The following ZNF366 variants were observed in gnomAD, a reference collection of about 807,000 sequenced individuals.
The protein encoded by ZNF366 is zinc finger protein 366.
Under a neutral mutation model 47.2 loss-of-function variants are expected in ZNF366, and 20 were observed. The observed-to-expected ratio is 0.42, with a 90% CI of 0.30 to 0.62. The LOEUF is 0.62. Among genes scored for constraint, ZNF366 ranks in the 20% least tolerant of loss-of-function variants. The pLI is 0.16. For missense variants in ZNF366, 987 were observed against 976.3 expected, an observed-to-expected ratio of 1.01 and a Z score of -0.15; for synonymous variants, 421 against 395.1, an observed-to-expected ratio of 1.07 and a Z score of -0.78.
intron 3 of ZNF366, among the ~76,000 whole-genome samples, chr5:72,454,883 C>T (rs147433842): frequency 1.3e-5 from 2 of 152,340 alleles, no homozygotes; most frequent in African/African-American, 4.8e-5. Context: ...TGGAGTCCAT[C>T]GCTGCATGCA....
chr5:72,468,582 G>A (rs372480699), intron 1 of ZNF366, among the ~76,000 whole-genome samples: 2 of 152,260 alleles, frequency 1.3e-5, no homozygotes. Flanking sequence ...TACCATTTGT[G>A]TATCTTAAAT....
At chr5:72,480,543 C>A (rs947163691) in intron 1 of ZNF366, among the ~76,000 whole-genome samples, 4 of 150,390 alleles carry the variant, frequency 2.7e-5, no homozygotes, top group African/African-American at 1.0e-4. Flanking sequence ...CCTTCTCTAA[C>A]TTCCTTATAA....
intron 1 of ZNF366, among the ~76,000 whole-genome samples, chr5:72,462,551 T>TTTCTTTCTTTC (rs1371593009): frequency 2.1e-3 from 35 of 16,890 alleles, no homozygotes; most frequent in African/African-American, 0.01. Flanking sequence ...TTCTTTCTTT[T>TTTCTTTCTTTC]TTTTTTTTTT....
In ZNF366 at chr5:72,461,347, C is replaced by A; in HGVS notation, c.150G>T (p.Gly50=). Residue 50 remains glycine, a synonymous_variant, in exon 2 of 5, where the codon GGG becomes GGT. Transcript: ENST00000318442. ...GTTCATACCGAAACTGGGAAAATGG[C>A]CCTCGGAGAGCTTCCGGGAAGGGGT... ...QRHPFPEALR[G]PFSQFRYEPP... is the part of the protein sequence containing the mutation. 1 of 1,614,098 alleles carries A rather than the reference C, an allele frequency of 6.2e-7. No individual in the cohort carries two copies. The highest frequency in any genetic ancestry group is 8.5e-7 in the Non-Finnish European group (1 of 1,180,006).
chr5:72,483,501 G>C (rs942525305), intron 1 of ZNF366, among the ~76,000 whole-genome samples: 1 of 152,116 alleles, frequency 6.6e-6, no homozygotes, highest in African/African-American at 2.4e-5. Flanking sequence ...GTGGCATGTA[G>C]CTTCCACAAT....
intron 1 of ZNF366, among the ~76,000 whole-genome samples, chr5:72,481,359 A>G (rs1323815554): frequency 6.6e-6 from 1 of 152,208 alleles, no homozygotes; most frequent in Non-Finnish European, 1.5e-5. Context: ...ACTACCACCA[A>G]GAGTTACTGT....
intron 1 of ZNF366, among the ~76,000 whole-genome samples, chr5:72,472,270 T>A (rs1743582441): frequency 1.3e-5 from 2 of 152,196 alleles, no homozygotes; most frequent in Admixed American, 1.3e-4. Flanking sequence ...AACTGGTTGG[T>A]TGATTTACTG....
chr5:72,481,435 C>G (rs959378333), intron 1 of ZNF366, among the ~76,000 whole-genome samples: 1 of 152,052 alleles, frequency 6.6e-6, no homozygotes, highest in Admixed American at 6.5e-5. Context: ...TTTTACAGCA[C>G]TACTTATTAT....
chr5:72,449,858 A>C (rs917692552), intron 3 of ZNF366, among the ~76,000 whole-genome samples: 2 of 152,194 alleles, frequency 1.3e-5, no homozygotes, highest in Non-Finnish European at 2.9e-5. Flanking sequence ...TCAAAGGAAA[A>C]GCCATGAGTG....
chr5:72,444,087 A>G lies in ZNF366; in HGVS notation c.1904T>C (p.Leu635Pro). Residue 635 changes from leucine to proline, a missense_variant, in exon 5 of 5, where the codon CTG becomes CCG. Transcript: ENST00000318442. ...CYEVEPYSPGLAPQSQQLCTP... is the reference protein window; with the variant it reads ...CYEVEPYSPGPAPQSQQLCTP... ...GCAGAGCTGCTGGCTCTGGGGGGCC[A>G]GGCCAGGGCTGTAGGGCTCCACCTC... is the stretch of plus-strand genomic sequence containing the variant. 6.2e-7 allele frequency: 1 copy of G among 1,614,094 alleles called. No homozygotes were observed. Among genetic ancestry groups the G allele is most frequent in the East Asian group, 2.2e-5 (1 of 44,876 alleles).
chr5:72,444,390 T>C, intron 4 of ZNF366, 99 bp from the exon 5 acceptor site: 1 of 1,305,768 alleles, frequency 7.7e-7, no homozygotes, highest in Non-Finnish European at 1.0e-6. Flanking sequence ...TGTATTCCGA[T>C]GCGTATTTTA....
chr5:72,470,501 G>C (rs1004379509), intron 1 of ZNF366, among the ~76,000 whole-genome samples: 1 of 152,202 alleles, frequency 6.6e-6, no homozygotes, highest in Non-Finnish European at 1.5e-5. Context: ...ATTGTTGGAT[G>C]TTCCACTCAT....
At chr5:72,458,693 A>G (rs899142608) in intron 2 of ZNF366, among the ~76,000 whole-genome samples, 2 of 152,206 alleles carry the variant, frequency 1.3e-5, no homozygotes, top group African/African-American at 2.4e-5. Flanking sequence ...TCAACTGCAG[A>G]TCGGGAGTAG....
At position 72,461,492 on chromosome 5, in the gene ZNF366, T is replaced by G. The variant is rs569669119; in HGVS notation, c.5A>C (p.Gln2Pro). 6.5e-7 allele frequency: 1 copy of G among 1,540,180 alleles called. No individual in the cohort carries two copies. The highest frequency in any genetic ancestry group is 1.3e-5 in the South Asian group (1 of 79,282). The change falls in exon 2 of 5, where the codon CAG becomes CCG. Residue 2 changes from glutamine (Q) to proline (P), a missense_variant. Physicochemically the swap from Gln to Pro is moderately conservative, Grantham distance 76. This residue lies in a region of ZNF366 where 591 missense variants were observed against 560.9 expected (regional missense o/e 1.05). Coordinates refer to ENST00000318442, the MANE Select transcript of ZNF366 (RefSeq NM_152625.3). Reference protein sequence around the residue: MQKEMKMIKDED... With the variant: MPKEMKMIKDED... ...GTCTTTGATCATCTTCATTTCCTTC[T>G]GCATCCTTGGCAATTTTCCTTTAAA...
At chr5:72,444,814 C>T (rs1742928747) in intron 4 of ZNF366, among the ~76,000 whole-genome samples, 1 of 152,074 alleles carries the variant, frequency 6.6e-6, no homozygotes, top group South Asian at 2.1e-4. Context: ...ATTTATAGTG[C>T]AGACCTGATT....
chr5:72,492,726 G>A (rs1744037447), intron 1 of ZNF366, among the ~76,000 whole-genome samples: 2 of 152,214 alleles, frequency 1.3e-5, no homozygotes, highest in Non-Finnish European at 2.9e-5. Context: ...TGCTATGAAA[G>A]TTCATTCTAA....
intron 3 of ZNF366, among the ~76,000 whole-genome samples, chr5:72,452,613 C>A (rs1280520592): frequency 6.6e-6 from 1 of 152,222 alleles, no homozygotes; most frequent in Non-Finnish European, 1.5e-5. Context: ...GTGGTGGAAC[C>A]CCTCTGCAGG....
chr5:72,489,030 C>T, intron 1 of ZNF366, among the ~76,000 whole-genome samples: 1 of 152,124 alleles, frequency 6.6e-6, no homozygotes. Flanking sequence ...AAAATGTGAG[C>T]ACATGAGCAC....
chr5:72,442,749 T>C lies in ZNF366; in HGVS notation c.*1007A>G, dbSNP rs1373762503. 6.7e-6 allele frequency: 1 copy of C among 149,510 alleles called. No individual in the cohort carries two copies. Among genetic ancestry groups the C allele is most frequent in the Non-Finnish European group, 1.5e-5 (1 of 67,634 alleles). 9.3% of individuals were successfully genotyped at this position (149,510 alleles called of 1,614,324 possible). On this transcript the variant is annotated 3_prime_UTR_variant, in exon 5 of 5. Coordinates refer to ENST00000318442, the MANE Select transcript of ZNF366 (RefSeq NM_152625.3). ...CAGCTCAGCTCACTGCAATCTCCACTGCCTGGGTTCAAACGATTCTCCTGC... is the reference window on the plus strand; with the variant it reads ...CAGCTCAGCTCACTGCAATCTCCACCGCCTGGGTTCAAACGATTCTCCTGC...
Sources: allele counts gnomAD v4.1 joint callset (sites outside exome capture counted in the v4.1 genomes callset), GRCh38; gene constraint gnomAD v4.1.1; regional missense constraint gnomAD v4.1.1; transcripts MANE v1.5; gene names NCBI Gene and HGNC (gene_info 2026-07-23, HGNC 2026-07-21).